Variants in SGCD observed in about 807,000 individuals in gnomAD.
The protein encoded by SGCD is delta-sarcoglycan.
SGCD carries 18 observed loss-of-function variants against 36.6 expected under a neutral mutation model. The ratio of observed to expected loss-of-function variants is 0.49; its 90% CI spans 0.34 to 0.73. The LOEUF (loss-of-function observed/expected upper bound fraction) is 0.73, where lower values mean the gene tolerates loss of function less well. SGCD is among the 30% of genes least tolerant of loss of function. SGCD has a pLI of 0.01. For synonymous variants in SGCD, 133 were observed against 130.6 expected (o/e 1.02, Z -0.12); for missense variants, 387 against 346.7 (o/e 1.12, Z -0.92).
At chr5:156,001,086 G>A (rs1758654964) in intron 1 of SGCD, among the ~76,000 whole-genome samples, 1 of 152,148 alleles carries the variant, frequency 6.6e-6, no homozygotes, top group African/African-American at 2.4e-5. Context: ...ACTTTGTGGG[G>A]TTGACTTCTG....
intron 1 of SGCD, among the ~76,000 whole-genome samples, chr5:155,894,686 G>A (rs944158279): frequency 2.6e-5 from 4 of 152,126 alleles, no homozygotes; most frequent in African/African-American, 7.2e-5. Context: ...AACTGCATAT[G>A]TGAGGGATCT....
intron 3 of SGCD, among the ~76,000 whole-genome samples, chr5:156,348,807 A>G: frequency 6.6e-6 from 1 of 152,196 alleles, no homozygotes; most frequent in African/African-American, 2.4e-5. Context: ...AATTCTAAGC[A>G]AAAAGATCAA....
At chr5:156,156,877 A>G (rs1314232691) in intron 3 of SGCD, among the ~76,000 whole-genome samples, 2 of 151,560 alleles carry the variant, frequency 1.3e-5, no homozygotes, top group African/African-American at 4.9e-5. Flanking sequence ...TTTAAGGCAG[A>G]GTGGTTTACT....
intron 3 of SGCD, among the ~76,000 whole-genome samples, chr5:156,126,844 G>T (rs566591257): frequency 3.7e-4 from 57 of 152,282 alleles, no homozygotes; most frequent in African/African-American, 1.3e-3. Context: ...TAAGTCAGCA[G>T]CATCAGCATC....
chr5:156,430,317 T>G (rs1203140610), intron 3 of SGCD, among the ~76,000 whole-genome samples: 1 of 152,142 alleles, frequency 6.6e-6, no homozygotes, highest in African/African-American at 2.4e-5. Flanking sequence ...ACTTTCCACT[T>G]TATTTTTTAT....
At chr5:156,217,338 G>C (rs1011702806) in intron 3 of SGCD, among the ~76,000 whole-genome samples, 2 of 151,930 alleles carry the variant, frequency 1.3e-5, no homozygotes, top group African/African-American at 2.4e-5. Flanking sequence ...TGTTTTAAGG[G>C]TTATTTCAAA....
chr5:155,860,878 G>C, the SGCD span, among the ~76,000 whole-genome samples: 1 of 152,302 alleles, frequency 6.6e-6, no homozygotes, highest in South Asian at 2.1e-4. Flanking sequence ...AGACAAAGCT[G>C]CTAGAGCTCT....
intron 1 of SGCD, among the ~76,000 whole-genome samples, chr5:155,942,428 A>T (rs1757348381): frequency 6.6e-6 from 1 of 152,010 alleles, no homozygotes; most frequent in Non-Finnish European, 1.5e-5. Context: ...GGCATGAGGA[A>T]TTTGAAAACA....
chr5:156,565,563 A>G (rs979604492), intron 4 of SGCD, among the ~76,000 whole-genome samples: 2 of 152,116 alleles, frequency 1.3e-5, no homozygotes, highest in Non-Finnish European at 2.9e-5. Flanking sequence ...TTTTTTTATT[A>G]TACTTTAAGT....
At chr5:156,569,852 A>G (rs926835018) in intron 4 of SGCD, among the ~76,000 whole-genome samples, 5 of 152,130 alleles carry the variant, frequency 3.3e-5, no homozygotes, top group East Asian at 1.9e-4. Context: ...AAAGAGGCCA[A>G]TCCTGCTGGA....
intron 7 of SGCD, among the ~76,000 whole-genome samples, chr5:156,713,068 TTCCTC>T (rs1442171768): frequency 3.3e-5 from 5 of 152,162 alleles, no homozygotes; most frequent in African/African-American, 9.6e-5. Context: ...ACAATCAACT[TTCCTC>T]TCAGGTAGAA....
At chr5:156,156,110 CA>C (rs1272491676) in intron 3 of SGCD, among the ~76,000 whole-genome samples, 1 of 151,556 alleles carries the variant, frequency 6.6e-6, no homozygotes, top group Non-Finnish European at 1.5e-5. Flanking sequence ...CTACTTTCAC[CA>C]AGTAAGAATC....
intron 1 of SGCD, among the ~76,000 whole-genome samples, chr5:156,082,824 G>T (rs1017363909): frequency 6.6e-6 from 1 of 151,988 alleles, no homozygotes; most frequent in Non-Finnish European, 1.5e-5. Flanking sequence ...AATTTTTTTT[G>T]CAAAACTTCA....
At chr5:155,822,120 T>G in the SGCD span, among the ~76,000 whole-genome samples, 5 of 152,170 alleles carry the variant, frequency 3.3e-5, no homozygotes, top group African/African-American at 1.2e-4. Context: ...ACATTCACAA[T>G]CCAGTGAGGA....
chr5:156,211,361 A>T (rs981180544), intron 3 of SGCD, among the ~76,000 whole-genome samples: 2 of 152,150 alleles, frequency 1.3e-5, no homozygotes, highest in Admixed American at 1.3e-4. Flanking sequence ...TAATCCCAGC[A>T]CTTTGGGAGG....
At chr5:156,338,779 A>G (rs186787747) in intron 2 of SGCD, among the ~76,000 whole-genome samples, 2 of 152,140 alleles carry the variant, frequency 1.3e-5, no homozygotes, top group Non-Finnish European at 2.9e-5. Context: ...AGGTGGCTGC[A>G]TGGTCATCAC....
intron 1 of SGCD, among the ~76,000 whole-genome samples, chr5:155,881,819 G>A (rs4502799): frequency 0.048 from 7,350 of 152,216 alleles, 478 homozygotes; most frequent in African/African-American, 0.14. Flanking sequence ...AATTTTCACA[G>A]CATCTTCGCC....
chr5:156,413,397 A>G (rs1458180722), intron 3 of SGCD, among the ~76,000 whole-genome samples: 1 of 152,252 alleles, frequency 6.6e-6, no homozygotes, highest in Non-Finnish European at 1.5e-5. Flanking sequence ...ACCACGCCTA[A>G]CATACTACTT....
chr5:155,864,652 T>C, the SGCD span, among the ~76,000 whole-genome samples: 7 of 152,358 alleles, frequency 4.6e-5, no homozygotes, highest in South Asian at 1.4e-3. Flanking sequence ...CATGAAGTAT[T>C]AATTAAGCAC....
Sources: allele counts gnomAD v4.1 joint callset (sites outside exome capture counted in the v4.1 genomes callset), GRCh38; gene constraint gnomAD v4.1.1; transcripts MANE v1.5; gene names NCBI Gene and HGNC (gene_info 2026-07-23, HGNC 2026-07-21).